TNPO1: variants seen among roughly 807,000 people sequenced by gnomAD.
TNPO1 encodes transportin-1.
Under a neutral mutation model 119.5 loss-of-function variants are expected in TNPO1, and 8 were observed. That is an observed-to-expected ratio of 0.07 (90% CI 0.04 to 0.12). The LOEUF (loss-of-function observed/expected upper bound fraction) is 0.12, where lower values mean the gene tolerates loss of function less well. TNPO1 is among the 10% of genes least tolerant of loss of function. TNPO1 has a pLI of 1.00. For missense variants in TNPO1, 576 were observed against 1,089.8 expected, an observed-to-expected ratio of 0.53 and a Z score of 6.64; for synonymous variants, 362 against 363.0, an observed-to-expected ratio of 1.00 and a Z score of 0.03.
chr5:72,855,847 T>C lies in TNPO1; in HGVS notation c.279T>C (p.Asn93=), dbSNP rs1459689074. 1 of 1,613,004 alleles carries C rather than the reference T, an allele frequency of 6.2e-7. No homozygotes were observed. Among genetic ancestry groups the C allele is most frequent in the Non-Finnish European group, 8.5e-7 (1 of 1,179,600 alleles). The change falls in exon 4 of 25, where the codon AAT becomes AAC. Residue 93 remains asparagine, a synonymous_variant. Transcript: ENST00000337273. The part of the protein sequence containing the change: ...NVKAHFQNFP[N]GVTDFIKSEC... ...AAGCACACTTTCAGAACTTCCCAAA[T>C]GGTGTAACAGACTTTATTAAAAGTG...
At chr5:72,874,309 A>G (rs1470086743) in intron 7 of TNPO1, among the ~76,000 whole-genome samples, 2 of 152,158 alleles carry the variant, frequency 1.3e-5, no homozygotes, top group Non-Finnish European at 2.9e-5. Context: ...TTTTCATGGT[A>G]TCATGTCTGC....
At chr5:72,896,148 C>T (rs1361612498) in intron 18 of TNPO1, among the ~76,000 whole-genome samples, 2 of 151,942 alleles carry the variant, frequency 1.3e-5, no homozygotes, top group Non-Finnish European at 2.9e-5. Context: ...CTCTGACCAA[C>T]TCTTTTTAGT....
chr5:72,873,248 A>G (rs1747537001), intron 7 of TNPO1, among the ~76,000 whole-genome samples: 1 of 152,158 alleles, frequency 6.6e-6, no homozygotes, highest in African/African-American at 2.4e-5. Flanking sequence ...TTTTCTGGCC[A>G]GGAACCATAA....
At chr5:72,884,563 A>G (rs947264171) in intron 11 of TNPO1, among the ~76,000 whole-genome samples, 3 of 152,088 alleles carry the variant, frequency 2.0e-5, no homozygotes, top group African/African-American at 7.2e-5. Flanking sequence ...AAAATATGTT[A>G]ATTTCCAACC....
In TNPO1 at chr5:72,893,619, A is replaced by G; in HGVS notation, c.2059A>G (p.Lys687Glu). ...LTLMYQCMQD[K>E]MPEVRQSSFA... is the part of the protein sequence containing the mutation. ...AATTTCTTCTTATTTCTTGTAGGAT[A>G]AAATGCCAGAAGTTCGACAGAGTTC... Residue 687 changes from lysine (K) to glutamate (E), a missense_variant, in exon 18 of 25, where the codon AAA becomes GAA. Around this residue, in one of 6 missense-constraint regions of TNPO1, gnomAD observed 162 missense variants for 294.1 expected, o/e 0.55. Coordinates refer to ENST00000337273, the MANE Select transcript of TNPO1 (RefSeq NM_002270.4). 6.2e-7 allele frequency: 1 copy of G among 1,614,256 alleles called. No homozygotes were observed. Among genetic ancestry groups the G allele is most frequent in the Non-Finnish European group, 8.5e-7 (1 of 1,180,040 alleles).
chr5:72,852,806 A>C (rs1745683450), intron 3 of TNPO1, among the ~76,000 whole-genome samples: 1 of 152,242 alleles, frequency 6.6e-6, no homozygotes, highest in Non-Finnish European at 1.5e-5. Flanking sequence ...AGGACACAAT[A>C]GAAAATTTAG....
chr5:72,822,684 C>T (rs888840252), intron 1 of TNPO1, among the ~76,000 whole-genome samples: 1 of 151,118 alleles, frequency 6.6e-6, no homozygotes, highest in Non-Finnish European at 1.5e-5. Context: ...CCTCTGCCTC[C>T]TGGGTTCAAG....
chr5:72,906,275 C>CTTTTCTTTTTTTTTTTTTTTT (rs1750152401), intron 24 of TNPO1, among the ~76,000 whole-genome samples: 1 of 54,674 alleles, frequency 1.8e-5, no homozygotes, highest in African/African-American at 6.8e-5. Context: ...TTTTTTTTTT[C>CTTTTCTTTTTTTTTTTTTTTT]TTTTTTTTTT....
At chr5:72,822,116 G>A (rs1743986304) in intron 1 of TNPO1, among the ~76,000 whole-genome samples, 2 of 152,152 alleles carry the variant, frequency 1.3e-5, no homozygotes, top group Admixed American at 6.5e-5. Flanking sequence ...GCCATTGAAA[G>A]ATATGAAACG....
chr5:72,901,047 A>T lies in TNPO1; in HGVS notation c.2488A>T (p.Ser830Cys), dbSNP rs750183488. Reference protein sequence around the residue: ...SAFRGICTMISVNPSGVIQDF... With the variant: ...SAFRGICTMICVNPSGVIQDF... ...ATTCCGTGGAATTTGTACCATGATC[A>T]GTGTGAATCCCAGTGGCGTAATCCA... Residue 830 changes from serine (S) to cysteine (C), a missense_variant, in exon 22 of 25, where the codon AGT (serine) becomes TGT (cysteine). By Grantham distance (112) the Ser-to-Cys change is moderately radical (BLOSUM62 -1). Transcript: ENST00000337273. 24 of 1,610,296 alleles carry T rather than the reference A, an allele frequency of 1.5e-5. No homozygotes were observed.
intron 1 of TNPO1, among the ~76,000 whole-genome samples, chr5:72,839,522 C>T (rs1265527502): frequency 6.6e-6 from 1 of 152,146 alleles, no homozygotes. Context: ...AGTAAATAAA[C>T]ATTGTACTTA....
At chr5:72,820,738 A>G (rs577974702) in intron 1 of TNPO1, among the ~76,000 whole-genome samples, 11 of 152,298 alleles carry the variant, frequency 7.2e-5, no homozygotes, top group African/African-American at 2.2e-4. Flanking sequence ...AGAATTTTAT[A>G]CTATAACTAA....
chr5:72,829,445 A>G (rs1744348487), intron 1 of TNPO1, among the ~76,000 whole-genome samples: 1 of 152,234 alleles, frequency 6.6e-6, no homozygotes, highest in South Asian at 2.1e-4. Context: ...ACAGGAGCCC[A>G]AGTATTTGCT....
At chr5:72,851,580 C>T (rs183239256) in intron 3 of TNPO1, among the ~76,000 whole-genome samples, 1 of 152,272 alleles carries the variant, frequency 6.6e-6, no homozygotes, top group African/African-American at 2.4e-5. Flanking sequence ...ACAATATCTG[C>T]CTCCCGGGTT....
intron 2 of TNPO1, among the ~76,000 whole-genome samples, chr5:72,849,507 T>G (rs1745390948): frequency 6.6e-6 from 1 of 152,250 alleles, no homozygotes; most frequent in African/African-American, 2.4e-5. Context: ...TCTTCGTGTT[T>G]GAGTTTATTT....
intron 4 of TNPO1, among the ~76,000 whole-genome samples, chr5:72,860,740 T>C (rs1339023938): frequency 1.3e-5 from 2 of 152,146 alleles, no homozygotes; most frequent in African/African-American, 4.8e-5. Flanking sequence ...TCTGCTTAAG[T>C]TTTTCCTACC....
At chr5:72,848,346 A>T (rs750317624) in intron 1 of TNPO1, 39 bp from the exon 2 acceptor site, 1 of 1,588,492 alleles carries the variant, frequency 6.3e-7, no homozygotes, top group Non-Finnish European at 8.6e-7. Flanking sequence ...CGGGAGTAAC[A>T]GTTGCTCCGT....
At chr5:72,862,205 A>G in intron 5 of TNPO1, 2 of 223,182 alleles carry the variant, frequency 9.0e-6, no homozygotes, top group Admixed American at 5.2e-5. Flanking sequence ...TGTCAAGCCT[A>G]ATCAGTTAAA....
chr5:72,904,020 T>C (rs1320211188), intron 23 of TNPO1, among the ~76,000 whole-genome samples: 1 of 152,198 alleles, frequency 6.6e-6, no homozygotes, highest in Admixed American at 6.5e-5. Flanking sequence ...GTACCACTAG[T>C]TTAGGTGGTC....
Sources: allele counts gnomAD v4.1 joint callset (sites outside exome capture counted in the v4.1 genomes callset), GRCh38; gene constraint gnomAD v4.1.1; regional missense constraint gnomAD v4.1.1; transcripts MANE v1.5; gene names NCBI Gene and HGNC (gene_info 2026-07-23, HGNC 2026-07-21).